Variants in NOP2 observed in about 807,000 individuals in gnomAD.
The protein encoded by NOP2 is NOP2 nucleolar protein.
NOP2 carries 7 observed loss-of-function variants against 72.7 expected under a neutral mutation model. That is an observed-to-expected ratio of 0.10 (90% CI 0.05 to 0.18). NOP2 has a LOEUF of 0.18. NOP2 is among the 10% of genes least tolerant of loss of function. The pLI is 1.00. For missense variants in NOP2, 954 were observed against 1,014.7 expected, an observed-to-expected ratio of 0.94 and a Z score of 0.81; for synonymous variants, 387 against 388.0, an observed-to-expected ratio of 1.00 and a Z score of 0.03.
At chr12:6,566,670 G>C in intron 3 of NOP2, 53 bp from the exon 4 acceptor site, 2 of 1,593,242 alleles carry the variant, frequency 1.3e-6, no homozygotes, top group Non-Finnish European at 8.6e-7. Context: ...ATACTTCCAG[G>C]CTCTGCCATT....
At chr12:6,567,750 G>C in intron 2 of NOP2, 66 bp downstream of exon 2, 1 of 1,232,866 alleles carries the variant, frequency 8.1e-7, no homozygotes. Context: ...AACTAAAAAA[G>C]AGAAGAGGTT....
intron 15 of NOP2, chr12:6,558,056 G>A (rs903865482): frequency 5.7e-5 from 20 of 348,180 alleles, no homozygotes; most frequent in African/African-American, 1.4e-4. Flanking sequence ...CACAAGAATC[G>A]CTTGAACCTG....
Position 6,563,579 on chromosome 12 carries a change from T to A in NOP2, c.688+35A>T, listed in dbSNP as rs1592243695. ...CTGGAAATCCCTCTCCCAACCACCTTCCTCCTAACTCTTCACTCTGCCCTG... is the reference window on the plus strand; with the variant it reads ...CTGGAAATCCCTCTCCCAACCACCTACCTCCTAACTCTTCACTCTGCCCTG... On this transcript the variant is annotated intron_variant, in intron 7 of 15. Transcript: ENST00000322166. 1.9e-6 allele frequency: 3 copies of A among 1,607,782 alleles called. No individual in the cohort carries two copies. The East Asian group carries it at 6.7e-5, about 36-fold the overall frequency.
At chr12:6,563,565 T>C in intron 7 of NOP2, 49 bp downstream of exon 7, 1 of 1,608,876 alleles carries the variant, frequency 6.2e-7, no homozygotes, top group Admixed American at 1.7e-5. Context: ...TGGAAATCCC[T>C]CTCCCAACCA....
chr12:6,563,919 T>C lies in NOP2; in HGVS notation c.502A>G (p.Lys168Glu), dbSNP rs1947713206. 1.9e-6 allele frequency: 3 copies of C among 1,613,654 alleles called. No individual in the cohort carries two copies. The highest frequency in any genetic ancestry group is 1.7e-5 in the Admixed American group (1 of 60,002). The change falls in exon 6 of 16, where the codon AAG (lysine) becomes GAG (glutamate). Residue 168 changes from lysine to glutamate, a missense_variant. Coordinates refer to ENST00000322166, the MANE Select transcript of NOP2 (RefSeq NM_001258308.2). ...GCAGCAGCTTCCCGGGCCTTCTGCTTCCGAGCAGCTCTTTCAATGGGCAGC... is the reference window on the plus strand; with the variant it reads ...GCAGCAGCTTCCCGGGCCTTCTGCTCCCGAGCAGCTCTTTCAATGGGCAGC... ...ALLPIERAAR[K>E]QKAREAAAGI...
chr12:6,561,063 C>G lies in NOP2; in HGVS notation c.1215G>C (p.Leu405=). The change falls in exon 12 of 16, where the codon CTG becomes CTC. Residue 405 remains leucine (L), a synonymous_variant. Transcript: ENST00000322166. ...PGGKTSYMAQ[L]MKNTGVILAN... Reference sequence around the variant, plus strand: ...CAAGGATCACACCCGTGTTCTTCATCAGCTGGGCTAAAGAGAGGGCAGTAA... The same window carrying G: ...CAAGGATCACACCCGTGTTCTTCATGAGCTGGGCTAAAGAGAGGGCAGTAA... The G allele has an allele frequency of 1.9e-6, 3 of 1,613,972 alleles. No individual in the cohort carries two copies. The highest frequency in any genetic ancestry group is 1.1e-5 in the South Asian group (1 of 91,078).
chr12:6,564,514 G>A (rs1243802674), intron 5 of NOP2, among the ~76,000 whole-genome samples: 2 of 151,378 alleles, frequency 1.3e-5, no homozygotes, highest in South Asian at 2.1e-4. Context: ...TGCAACCTCC[G>A]CCTCCCAGGT....
intron 15 of NOP2, chr12:6,558,185 CA>C (rs1389610510): frequency 2.0e-5 from 7 of 358,246 alleles, no homozygotes; most frequent in East Asian, 1.0e-4. Context: ...ATCCTTGGGC[CA>C]AAAGGTTTCT....
intron 11 of NOP2, 121 bp from the exon 12 acceptor site, chr12:6,561,191 A>G (rs1947639822): frequency 4.2e-6 from 5 of 1,198,152 alleles, no homozygotes; most frequent in Non-Finnish European, 5.8e-6. Context: ...TTCGCTCCCA[A>G]CAAGCCTGCC....
chr12:6,567,648 TA>T, intron 2 of NOP2, 167 bp downstream of exon 2: 1 of 572,298 alleles, frequency 1.7e-6, no homozygotes, highest in African/African-American at 1.9e-5. Context: ...CTCTACGACC[TA>T]AACAGTTCCC....
At chr12:6,558,561 G>A (rs905327413) in intron 15 of NOP2, among the ~76,000 whole-genome samples, 14 of 151,784 alleles carry the variant, frequency 9.2e-5, no homozygotes, top group African/African-American at 1.9e-4. Context: ...CACCACGCCC[G>A]GCCTCGCAGG....
Position 6,557,505 on chromosome 12 carries a change from T to C in NOP2, c.1927A>G (p.Lys643Glu). 1 of 1,613,926 alleles carries C rather than the reference T, an allele frequency of 6.2e-7. No individual in the cohort carries two copies. ...TTCAGCTTCTGGAAGGAGGCCTTCT[T>C]GGGATGTTGCTGTTTCTGCAGCTGC... ...KQQLQKQQHP[K>E]KASFQKLNGI... The change falls in exon 16 of 16, where the codon AAG (lysine) becomes GAG (glutamate). Residue 643 changes from lysine (K) to glutamate (E), a missense_variant. Physicochemically the swap from Lys to Glu is moderately conservative, Grantham distance 56 (BLOSUM62 1). This residue lies in a region of NOP2 where 269 missense variants were observed against 260.2 expected (regional missense o/e 1.03). Coordinates refer to ENST00000322166, the MANE Select transcript of NOP2 (RefSeq NM_001258308.2).
chr12:6,567,772 T>C, intron 2 of NOP2, 44 bp downstream of exon 2: 1 of 1,452,588 alleles, frequency 6.9e-7, no homozygotes, highest in Non-Finnish European at 9.6e-7. Flanking sequence ...TAATACAGAA[T>C]ACTGCAAAAG....
chr12:6,557,223 G>A lies in NOP2; in HGVS notation c.2209C>T (p.Gln737Ter). ...TPAVLSPSKT[Q>*]ATLKPKDHHQ... Reference sequence around the variant, plus strand: ...TGGTCCTTAGGTTTCAGGGTGGCCTGAGTCTTGGATGGGGATAACACAGCC... The same window carrying A: ...TGGTCCTTAGGTTTCAGGGTGGCCTAAGTCTTGGATGGGGATAACACAGCC... Residue 737 changes from glutamine to a stop codon, truncating the protein, a stop_gained, in exon 16 of 16, where the codon CAG becomes TAG. Coordinates refer to ENST00000322166, the MANE Select transcript of NOP2 (RefSeq NM_001258308.2). LOFTEE classifies it low-confidence loss of function (END_TRUNC). 6 of 1,614,028 alleles carry A rather than the reference G, an allele frequency of 3.7e-6. No homozygotes were observed. The highest frequency in any genetic ancestry group is 5.1e-6 in the Non-Finnish European group (6 of 1,179,882).
chr12:6,566,670 G>A (rs1947787262), intron 3 of NOP2, 53 bp from the exon 4 acceptor site: 2 of 1,593,242 alleles, frequency 1.3e-6, no homozygotes, highest in Non-Finnish European at 1.7e-6. Flanking sequence ...ATACTTCCAG[G>A]CTCTGCCATT....
At position 6,567,843 on chromosome 12, in the gene NOP2, T is replaced by A; in HGVS notation, c.76A>T (p.Thr26Ser). 2.5e-6 allele frequency: 4 copies of A among 1,614,026 alleles called. No individual in the cohort carries two copies. The highest frequency in any genetic ancestry group is 3.4e-6 in the Non-Finnish European group (4 of 1,179,888). The change falls in exon 2 of 16, where the codon ACA (threonine) becomes TCA (serine). Residue 26 changes from threonine to serine, a missense_variant. Transcript: ENST00000322166. ...RKARKQKGAE[T>S]ELVRFLPAVS... ...GCAGGCAAGAATCTGACGAGTTCTG[T>A]CTCGGCACCCTTCTGCTTCCGGGCC... is the stretch of plus-strand genomic sequence containing the variant.
rs950554434 is a variant in NOP2, at chr12:6,560,385, C to T, written c.1561-59G>A. 4 of 1,601,788 alleles carry T rather than the reference C, an allele frequency of 2.5e-6. No homozygotes were observed. The highest frequency in any genetic ancestry group is 1.7e-4 in the Middle Eastern group (1 of 6,026). ...AAAGCAGAGCTGGAGCTGAAGGGAG[C>T]TCTAAGGGGCAAAGAGCCCCCCAGC... is the stretch of plus-strand genomic sequence containing the variant. On this transcript the variant is annotated intron_variant, in intron 14 of 15. Transcript: ENST00000322166. The surrounding 1 kb of genome is among the most constrained non-coding windows in gnomAD (Gnocchi z 5.0).
Position 6,558,278 on chromosome 12 carries a change from T to G in NOP2, c.1790-636A>C. The G allele has an allele frequency of 7.4e-6, 2 of 271,124 alleles. 1 individual carries two copies. Among genetic ancestry groups the G allele is most frequent in the South Asian group, 5.9e-5 (2 of 34,078 alleles). 16.8% of individuals were successfully genotyped at this position (271,124 alleles called of 1,614,324 possible). A position where few individuals can be genotyped will look rare whatever the true frequency, so the allele number is the denominator to read the frequency against. On this transcript the variant is annotated intron_variant, in intron 15 of 15. Coordinates refer to ENST00000322166, the MANE Select transcript of NOP2 (RefSeq NM_001258308.2). The stretch of plus-strand genomic sequence containing the variant: ...TGATTCTCAGGGTTTTGGGGTTTTT[T>G]TTTTCTTTTTTTGAGATGGAATCTC...
chr12:6,560,088 G>A lies in NOP2; in HGVS notation c.1789+10C>T. The A allele has an allele frequency of 6.3e-7, 1 of 1,592,732 alleles. No homozygotes were observed. Among genetic ancestry groups the A allele is most frequent in the East Asian group, 2.2e-5 (1 of 44,776 alleles). Reference sequence around the variant, plus strand: ...AAGGTGGTGACGAAGGGAAGAAAAAGATTACTTACCTGTCTGGGACTGAGG... The same window carrying A: ...AAGGTGGTGACGAAGGGAAGAAAAAAATTACTTACCTGTCTGGGACTGAGG... On this transcript the variant is annotated intron_variant, in intron 15 of 15. Transcript: ENST00000322166. The surrounding 1 kb of genome is among the most constrained non-coding windows in gnomAD (Gnocchi z 5.0).
Sources: gnomAD v4.1 joint callset for allele counts (sites outside exome capture counted in the v4.1 genomes callset) on GRCh38, gnomAD v4.1.1 for gene constraint, gnomAD v4.1.1 regional missense constraint, Gnocchi (gnomAD v3.1) non-coding constraint, MANE v1.5 for transcripts, NCBI Gene and HGNC (gene_info 2026-07-23, HGNC 2026-07-21) for gene names.